CLASP2: variants seen among roughly 807,000 people sequenced by gnomAD.
CLASP2 encodes the protein CLIP-associating protein 2.
CLASP2 carries 47 observed loss-of-function variants against 194.4 expected under a neutral mutation model. The ratio of observed to expected loss-of-function variants is 0.24; its 90% CI spans 0.19 to 0.31. CLASP2 has a LOEUF of 0.31. Among genes scored for constraint, CLASP2 ranks in the 10% least tolerant of loss-of-function variants. The pLI is 1.00. For synonymous variants in CLASP2, 619 were observed against 633.5 expected, an observed-to-expected ratio of 0.98 and a Z score of 0.34; for missense variants, 1,445 against 1,823.6, an observed-to-expected ratio of 0.79 and a Z score of 3.78.
intron 1 of CLASP2, among the ~76,000 whole-genome samples, chr3:33,707,273 G>A (rs2092730268): frequency 6.6e-6 from 1 of 152,070 alleles, no homozygotes; most frequent in African/African-American, 2.4e-5. Context: ...AAACACATTA[G>A]ATATGTTTAA....
At position 33,535,277 on chromosome 3, in the gene CLASP2, A is replaced by G; in HGVS notation, c.3743T>C (p.Leu1248Pro). 6.2e-7 allele frequency: 1 copy of G among 1,613,972 alleles called. No homozygotes were observed. Among genetic ancestry groups the G allele is most frequent in the Non-Finnish European group, 8.5e-7 (1 of 1,179,850 alleles). ...DSISPFNKSALKEAMFDDDAD... is the reference protein window; with the variant it reads ...DSISPFNKSAPKEAMFDDDAD... Reference sequence around the variant, plus strand: ...ATCATCATCAAACATGGCTTCCTTGAGGGCAGACTTGTTGAAGGGACTGAT... The same window carrying G: ...ATCATCATCAAACATGGCTTCCTTGGGGGCAGACTTGTTGAAGGGACTGAT... The change falls in exon 34 of 39, where the codon CTC (leucine) becomes CCC (proline). Residue 1248 changes from leucine (L) to proline (P), a missense_variant. Physicochemically the swap from Leu to Pro is moderately conservative, Grantham distance 98 (BLOSUM62 -3). Transcript: ENST00000682230.
intron 32 of CLASP2, among the ~76,000 whole-genome samples, chr3:33,539,897 G>C (rs1018616363): frequency 6.8e-6 from 1 of 147,092 alleles, no homozygotes; most frequent in African/African-American, 2.5e-5. Flanking sequence ...AGAAGATAGA[G>C]GATTTTTAAT....
At chr3:33,695,894 T>C (rs888126440) in intron 2 of CLASP2, among the ~76,000 whole-genome samples, 11 of 152,200 alleles carry the variant, frequency 7.2e-5, no homozygotes, top group Non-Finnish European at 1.5e-4. Flanking sequence ...ACTCTAAAGG[T>C]ACATGAAGGT....
chr3:33,604,794 A>C (rs1009029882), intron 16 of CLASP2, among the ~76,000 whole-genome samples: 29 of 152,158 alleles, frequency 1.9e-4, no homozygotes, highest in African/African-American at 6.5e-4. Flanking sequence ...TCTGCTCCTC[A>C]ACACACATCA....
intron 13 of CLASP2, among the ~76,000 whole-genome samples, chr3:33,609,228 C>T (rs1398011581): frequency 6.6e-6 from 1 of 151,872 alleles, no homozygotes; most frequent in Non-Finnish European, 1.5e-5. Flanking sequence ...TGCAGTGAGC[C>T]GAGATCCTGC....
At chr3:33,574,527 T>C (rs1445951122) in intron 24 of CLASP2, 2 of 1,401,456 alleles carry the variant, frequency 1.4e-6, no homozygotes, top group Non-Finnish European at 1.9e-6. Context: ...AAGAGAAAAA[T>C]TGAAAATAAT....
At chr3:33,581,089 G>A (rs1308015321) in intron 23 of CLASP2, among the ~76,000 whole-genome samples, 1 of 151,650 alleles carries the variant, frequency 6.6e-6, no homozygotes, top group Non-Finnish European at 1.5e-5. Context: ...ACAGGCTTGT[G>A]CATTTAAACA....
chr3:33,572,191 G>A lies in CLASP2; in HGVS notation c.2699+919C>T, dbSNP rs117085452. On this transcript the variant is annotated intron_variant, in intron 25 of 38. Transcript: ENST00000682230. ...TTTTCTTAAATGTTGCTATACTTACGGGCTAAAATCATTCTAAACTATGCC... is the reference window on the plus strand; with the variant it reads ...TTTTCTTAAATGTTGCTATACTTACAGGCTAAAATCATTCTAAACTATGCC... 2.6e-4 allele frequency among the ~76,000 whole-genome samples: 39 copies of A among 151,930 alleles called. No homozygotes were observed. In the East Asian group the frequency reaches 4.1e-3, roughly 16 times the overall value.
chr3:33,596,834 T>G, intron 18 of CLASP2, 100 bp from the exon 19 acceptor site: 2 of 960,240 alleles, frequency 2.1e-6, no homozygotes, highest in Admixed American at 2.2e-5. Context: ...GAAGACAGAA[T>G]TCATAGTACA....
intron 8 of CLASP2, among the ~76,000 whole-genome samples, chr3:33,639,632 T>C (rs556645618): frequency 1.6e-4 from 25 of 152,292 alleles, no homozygotes; most frequent in African/African-American, 6.0e-4. Flanking sequence ...TAATGCAACT[T>C]ACTATTTTAT....
chr3:33,583,715 A>G (rs1337941135), intron 22 of CLASP2, among the ~76,000 whole-genome samples: 2 of 152,232 alleles, frequency 1.3e-5, no homozygotes, highest in Non-Finnish European at 2.9e-5. Flanking sequence ...TAGAAATATG[A>G]GTATTTTCTT....
At chr3:33,591,412 A>T (rs1033854562) in intron 21 of CLASP2, among the ~76,000 whole-genome samples, 1 of 152,190 alleles carries the variant, frequency 6.6e-6, no homozygotes, top group African/African-American at 2.4e-5. Context: ...CAGAAGAACA[A>T]GATCAGTTTG....
At chr3:33,598,605 C>A (rs528561004) in intron 18 of CLASP2, among the ~76,000 whole-genome samples, 27 of 152,292 alleles carry the variant, frequency 1.8e-4, no homozygotes, top group Admixed American at 1.5e-3. Context: ...TAATTAACTT[C>A]TCCAATCTTA....
chr3:33,518,877 A>G (rs1174549098), intron 34 of CLASP2, among the ~76,000 whole-genome samples: 4 of 152,220 alleles, frequency 2.6e-5, no homozygotes, highest in African/African-American at 9.6e-5. Context: ...TATGAATGAG[A>G]TAATCCAAAG....
At chr3:33,542,087 C>A (rs1187785346) in intron 32 of CLASP2, among the ~76,000 whole-genome samples, 1 of 151,990 alleles carries the variant, frequency 6.6e-6, no homozygotes, top group South Asian at 2.1e-4. Context: ...CTCTGATGAT[C>A]AGTGATGCTG....
Position 33,544,754 on chromosome 3 carries a change from C to T in CLASP2, c.3241G>A (p.Asp1081Asn), listed in dbSNP as rs745767300. 3 of 1,613,492 alleles carry T rather than the reference C, an allele frequency of 1.9e-6. No individual in the cohort carries two copies. The highest frequency in any genetic ancestry group is 1.7e-6 in the Non-Finnish European group (2 of 1,179,634). ...TTATGAAGAAGCTTGGTAGCACCAT[C>T]CTGAAAAGTTTTTGGTAAAGCTCCT... ...LLGALPKTFQ[D>N]GATKLLHNHL... The change falls in exon 31 of 39, where the codon GAT becomes AAT. Residue 1081 changes from aspartate (D) to asparagine (N), a missense_variant. Asp to Asn is a conservative substitution (Grantham distance 23, BLOSUM62 1). Coordinates refer to ENST00000682230, the MANE Select transcript of CLASP2 (RefSeq NM_001365631.1).
chr3:33,545,064 A>G (rs774733818), intron 30 of CLASP2: 67 of 356,354 alleles, frequency 1.9e-4, no homozygotes, highest in Admixed American at 3.2e-4. Context: ...GAAAAGCATA[A>G]CAAATATGAC....
intron 7 of CLASP2, among the ~76,000 whole-genome samples, chr3:33,653,864 C>T (rs1177276762): frequency 1.3e-5 from 2 of 151,988 alleles, no homozygotes; most frequent in Non-Finnish European, 2.9e-5. Context: ...TAATTTTAAT[C>T]ACTTTACTCC....
At chr3:33,624,475 A>G (rs534017079) in intron 10 of CLASP2, among the ~76,000 whole-genome samples, 1 of 152,278 alleles carries the variant, frequency 6.6e-6, no homozygotes, top group East Asian at 1.9e-4. Flanking sequence ...AAAGAACGAC[A>G]ATAAAATAAG....
Sources: allele counts gnomAD v4.1 joint callset (sites outside exome capture counted in the v4.1 genomes callset), GRCh38; gene constraint gnomAD v4.1.1; transcripts MANE v1.5; gene names NCBI Gene and HGNC (gene_info 2026-07-23, HGNC 2026-07-21).